Variants in AK5 observed in about 807,000 individuals in gnomAD.
AK5 encodes the protein adenylate kinase isoenzyme 5.
A neutral mutation model predicts 69.5 loss-of-function variants in AK5; 27 were observed. That is an observed-to-expected ratio of 0.39 (90% CI 0.29 to 0.54). The LOEUF (loss-of-function observed/expected upper bound fraction) is 0.54. AK5 is among the 20% of genes least tolerant of loss of function. The pLI is 0.71. For synonymous variants in AK5, 260 were observed against 244.4 expected (o/e 1.06, Z -0.60); for missense variants, 531 against 700.4 (o/e 0.76, Z 2.73).
At chr1:77,331,439 C>T (rs190498571) in intron 5 of AK5, among the ~76,000 whole-genome samples, 1 of 152,124 alleles carries the variant, frequency 6.6e-6, no homozygotes, top group East Asian at 1.9e-4. Context: ...TAAATATTAC[C>T]AAAGCTTTTT....
intron 5 of AK5, among the ~76,000 whole-genome samples, chr1:77,328,675 T>C (rs1036747847): frequency 6.6e-5 from 10 of 152,192 alleles, no homozygotes; most frequent in African/African-American, 2.4e-4. Context: ...CCACTAACGA[T>C]ATACTCTGTT....
chr1:77,410,878 C>T, intron 6 of AK5, 103 bp from the exon 7 acceptor site: 1 of 854,246 alleles, frequency 1.2e-6, no homozygotes, highest in Non-Finnish European at 1.9e-6. Flanking sequence ...TGTTGTTCTG[C>T]TTCATTAGAG....
intron 6 of AK5, among the ~76,000 whole-genome samples, chr1:77,376,451 CAA>C (rs762576175): frequency 2.4e-5 from 1 of 41,036 alleles, no homozygotes; most frequent in African/African-American, 9.0e-5. Context: ...AAAAAAAAAA[CAA>C]AAAAAAAAAA....
At chr1:77,376,187 T>A (rs560461823) in intron 6 of AK5, among the ~76,000 whole-genome samples, 3 of 152,176 alleles carry the variant, frequency 2.0e-5, no homozygotes, top group Non-Finnish European at 4.4e-5. Flanking sequence ...CACTTGAGAC[T>A]CCAGACATTG....
intron 6 of AK5, among the ~76,000 whole-genome samples, chr1:77,373,956 T>C (rs1647174694): frequency 6.6e-6 from 1 of 152,186 alleles, no homozygotes; most frequent in Admixed American, 6.6e-5. Context: ...AATATTATCC[T>C]AACATCAAAA....
At chr1:77,290,281 G>A (rs530238712) in intron 2 of AK5, among the ~76,000 whole-genome samples, 1 of 152,234 alleles carries the variant, frequency 6.6e-6, no homozygotes, top group East Asian at 1.9e-4. Context: ...GTGCTTTGAA[G>A]GTTTTAGCTA....
chr1:77,445,952 T>A (rs1652726077), intron 8 of AK5, among the ~76,000 whole-genome samples: 1 of 152,206 alleles, frequency 6.6e-6, no homozygotes. Flanking sequence ...TCCATGTATT[T>A]ATTTTTGCTT....
intron 5 of AK5, among the ~76,000 whole-genome samples, chr1:77,309,256 GAA>G (rs924597535): frequency 6.6e-6 from 1 of 151,458 alleles, no homozygotes; most frequent in Middle Eastern, 3.2e-3. Context: ...AATAAAAATT[GAA>G]AAAAAGAAAG....
intron 13 of AK5, among the ~76,000 whole-genome samples, chr1:77,553,923 C>T (rs17100731): frequency 0.025 from 3,780 of 152,174 alleles, 124 homozygotes; most frequent in African/African-American, 0.087. Flanking sequence ...GGCAGACATC[C>T]CAAGGCATGT....
intron 10 of AK5, among the ~76,000 whole-genome samples, chr1:77,489,957 G>C (rs1002126654): frequency 6.6e-6 from 1 of 152,136 alleles, no homozygotes; most frequent in African/African-American, 2.4e-5. Flanking sequence ...CCCAAGGTCA[G>C]GGTTAAGTTC....
At chr1:77,518,463 C>G (rs1453774540) in intron 10 of AK5, 101 bp from the exon 11 acceptor site, 2 of 1,251,372 alleles carry the variant, frequency 1.6e-6, no homozygotes, top group Admixed American at 4.3e-5. Flanking sequence ...CCAATACATG[C>G]TTAGTGACTG....
At chr1:77,380,867 C>CAG in intron 6 of AK5, among the ~76,000 whole-genome samples, 1 of 152,218 alleles carries the variant, frequency 6.6e-6, no homozygotes, top group East Asian at 1.9e-4. Flanking sequence ...GCATCCTAGC[C>CAG]AGAGAGAGCA....
chr1:77,376,438 A>AAAAAAAC (rs1557542440), intron 6 of AK5, among the ~76,000 whole-genome samples: 3 of 73,558 alleles, frequency 4.1e-5, no homozygotes, highest in African/African-American at 1.4e-4. Context: ...AATGCCAAAA[A>AAAAAAAC]AAAAAAAAAA....
intron 5 of AK5, among the ~76,000 whole-genome samples, chr1:77,337,267 A>C (rs1212419530): frequency 2.6e-5 from 4 of 152,238 alleles, no homozygotes. Context: ...CATAGGTAGA[A>C]GGCTATCCAT....
intron 10 of AK5, among the ~76,000 whole-genome samples, chr1:77,491,538 C>G (rs1308955985): frequency 6.6e-6 from 1 of 152,086 alleles, no homozygotes. Flanking sequence ...AACTCCTGAC[C>G]TCGTGATCCA....
intron 5 of AK5, among the ~76,000 whole-genome samples, chr1:77,338,725 A>G (rs1003500432): frequency 3.3e-5 from 5 of 152,226 alleles, no homozygotes; most frequent in African/African-American, 1.2e-4. Context: ...ACAACAAAAT[A>G]AAAAATAAGA....
chr1:77,512,775 C>A (rs1033548013), intron 10 of AK5, among the ~76,000 whole-genome samples: 1 of 152,046 alleles, frequency 6.6e-6, no homozygotes, highest in African/African-American at 2.4e-5. Flanking sequence ...AAATGTCCAA[C>A]AATGATAGAC....
rs538016394 is a variant in AK5, at chr1:77,401,067, G to A, written c.892-9914G>A. Among the ~76,000 whole-genome samples the A allele has an allele frequency of 3.4e-4, 52 of 151,760 alleles. No individual in the cohort carries two copies. The South Asian group carries it at 9.8e-3, about 29-fold the overall frequency. On this transcript the variant is annotated intron_variant, in intron 6 of 13. Coordinates refer to ENST00000354567, the MANE Select transcript of AK5 (RefSeq NM_174858.3). ...TGTTCCCACCCATCTCACTCACCAC[G>A]TCCACTTAGGTGTTTCTCTTTCAAA...
At chr1:77,358,041 C>G (rs28608963) in intron 6 of AK5, among the ~76,000 whole-genome samples, 11,312 of 76,490 alleles carry the variant, frequency 0.15, 493 homozygotes, top group African/African-American at 0.19. Context: ...GAGAGAGAGA[C>G]AGAGAGATCA....
Sources: gnomAD v4.1 joint callset for allele counts (sites outside exome capture counted in the v4.1 genomes callset) on GRCh38, gnomAD v4.1.1 for gene constraint, MANE v1.5 for transcripts, NCBI Gene and HGNC (gene_info 2026-07-23, HGNC 2026-07-21) for gene names.